The following ERBB4 variants were observed in gnomAD, a reference collection of about 807,000 sequenced individuals.
ERBB4 encodes erb-b2 receptor tyrosine kinase 4.
Under a neutral mutation model 158.0 loss-of-function variants are expected in ERBB4, and 42 were observed. That is an observed-to-expected ratio of 0.27 (90% CI 0.21 to 0.34). The LOEUF (loss-of-function observed/expected upper bound fraction) is 0.34. ERBB4 is among the 10% of genes least tolerant of loss of function. ERBB4 has a pLI of 1.00. For synonymous variants in ERBB4, 583 were observed against 558.7 expected (o/e 1.04, Z -0.61); for missense variants, 1,333 against 1,624.1 (o/e 0.82, Z 3.08).
chr2:211,407,277 G>A (rs927464453), intron 25 of ERBB4, among the ~76,000 whole-genome samples: 8 of 151,840 alleles, frequency 5.3e-5, no homozygotes, highest in East Asian at 1.9e-4. Context: ...TAGTCATTTC[G>A]ACCCAAGAAT....
chr2:211,911,186 T>C (rs745607053), intron 3 of ERBB4, among the ~76,000 whole-genome samples: 20 of 152,230 alleles, frequency 1.3e-4, no homozygotes, highest in Non-Finnish European at 2.8e-4. Context: ...AAGTATTAAT[T>C]TGAAGAGCCC....
chr2:211,419,531 G>A (rs1001716192), intron 25 of ERBB4, among the ~76,000 whole-genome samples: 1 of 151,996 alleles, frequency 6.6e-6, no homozygotes, highest in East Asian at 1.9e-4. Flanking sequence ...TAAGCATCAT[G>A]TTTATATCTT....
chr2:211,747,324 C>T (rs533375911), intron 5 of ERBB4, among the ~76,000 whole-genome samples: 1 of 152,114 alleles, frequency 6.6e-6, no homozygotes, highest in Non-Finnish European at 1.5e-5. Context: ...CTCTACTTTA[C>T]CAGTGCCAGA....
chr2:211,413,861 G>A (rs991004512), intron 25 of ERBB4, among the ~76,000 whole-genome samples: 9 of 151,752 alleles, frequency 5.9e-5, no homozygotes, highest in African/African-American at 1.9e-4. Flanking sequence ...AAGAGAGGGG[G>A]TCCTGCAAGC....
intron 1 of ERBB4, among the ~76,000 whole-genome samples, chr2:212,426,008 C>A (rs2091904144): frequency 6.6e-6 from 1 of 151,948 alleles, no homozygotes; most frequent in Non-Finnish European, 1.5e-5. Flanking sequence ...CGTATTCAAT[C>A]ATTTATCTTC....
At chr2:211,856,034 G>A (rs1244611144) in intron 3 of ERBB4, among the ~76,000 whole-genome samples, 1 of 151,998 alleles carries the variant, frequency 6.6e-6, no homozygotes, top group Non-Finnish European at 1.5e-5. Context: ...TTGGGTGACG[G>A]GTACACTAAA....
At position 211,431,150 on chromosome 2, in the gene ERBB4, C is replaced by T. The variant is rs6710946; in HGVS notation, c.2488-50G>A. The T allele has an allele frequency of 0.72, 1,132,181 of 1,567,396 alleles. 411,764 individuals carry two copies. The highest frequency in any genetic ancestry group is 0.93 in the African/African-American group (68,723 of 74,036). On this transcript the variant is annotated intron_variant, in intron 20 of 27. Transcript: ENST00000342788. ...GATATTCAGTTAATGCCCAGGTTTT[C>T]CCATTTTTCTAAAACAAAGTTTCTT...
At chr2:211,888,420 T>C (rs1373793664) in intron 3 of ERBB4, among the ~76,000 whole-genome samples, 2 of 152,248 alleles carry the variant, frequency 1.3e-5, no homozygotes, top group Non-Finnish European at 2.9e-5. Flanking sequence ...TGTATGTGTG[T>C]ACACACACAT....
intron 19 of ERBB4, among the ~76,000 whole-genome samples, chr2:211,614,768 A>G (rs1432853547): frequency 1.3e-5 from 2 of 152,110 alleles, no homozygotes; most frequent in African/African-American, 2.4e-5. Context: ...AATATCAATT[A>G]GATTTAAAAT....
At chr2:211,551,108 T>C (rs542538879) in intron 20 of ERBB4, among the ~76,000 whole-genome samples, 3 of 152,318 alleles carry the variant, frequency 2.0e-5, no homozygotes, top group South Asian at 4.1e-4. Context: ...CTCCATGAAA[T>C]AATCAATGAC....
intron 3 of ERBB4, among the ~76,000 whole-genome samples, chr2:211,810,519 C>T (rs6435673): frequency 0.72 from 108,945 of 151,972 alleles, 39,417 homozygotes; most frequent in Non-Finnish European, 0.76. Context: ...CAACCCCGGC[C>T]GTTTTTTTGC....
chr2:211,413,634 T>C (rs187334920), intron 25 of ERBB4, among the ~76,000 whole-genome samples: 1 of 152,204 alleles, frequency 6.6e-6, no homozygotes, highest in African/African-American at 2.4e-5. Flanking sequence ...ATCATTTAGC[T>C]ATGAGATACT....
intron 1 of ERBB4, among the ~76,000 whole-genome samples, chr2:212,159,876 A>G (rs115191052): frequency 0.017 from 2,593 of 152,144 alleles, 28 homozygotes; most frequent in Non-Finnish European, 0.025. Context: ...TGGCTAATAT[A>G]CTTTTCTTAA....
intron 4 of ERBB4, chr2:211,777,488 T>A (rs1221129127): frequency 6.6e-6 from 1 of 152,204 alleles, no homozygotes; most frequent in East Asian, 1.9e-4. Context: ...AACCTGAGTA[T>A]AAGCATCACA....
chr2:211,763,761 T>TTAGGTA (rs1286201514), intron 4 of ERBB4, among the ~76,000 whole-genome samples: 1 of 151,498 alleles, frequency 6.6e-6, no homozygotes, highest in African/African-American at 2.4e-5. Context: ...TTGGAAAAGA[T>TTAGGTA]TAGGTAGCTC....
At chr2:212,337,617 G>T (rs1038815939) in intron 1 of ERBB4, among the ~76,000 whole-genome samples, 5 of 152,060 alleles carry the variant, frequency 3.3e-5, no homozygotes, top group Non-Finnish European at 5.9e-5. Context: ...CATTCTGTAT[G>T]TCTGGAGTAA....
chr2:211,621,220 T>C (rs1298544470), intron 18 of ERBB4, among the ~76,000 whole-genome samples: 1 of 152,024 alleles, frequency 6.6e-6, no homozygotes, highest in Non-Finnish European at 1.5e-5. Flanking sequence ...TTTTTTTTCA[T>C]TATTTCATTC....
At position 211,570,621 on chromosome 2, in the gene ERBB4, C is replaced by T. The variant is rs573953100; in HGVS notation, c.2302-8533G>A. Among the ~76,000 whole-genome samples, 4 of 152,122 alleles carry T rather than the reference C, an allele frequency of 2.6e-5. No homozygotes were observed. The South Asian group carries it at 8.3e-4, about 32-fold the overall frequency. ...TACTCTGTTTCACTGAATCATTTTA[C>T]CATGATTTATCTCTAGTACAACTTC... On this transcript the variant is annotated intron_variant, in intron 19 of 27. Coordinates refer to ENST00000342788, the MANE Select transcript of ERBB4 (RefSeq NM_005235.3).
chr2:212,420,594 A>G (rs1276215966), intron 1 of ERBB4, among the ~76,000 whole-genome samples: 2 of 152,108 alleles, frequency 1.3e-5, no homozygotes, highest in African/African-American at 2.4e-5. Context: ...GTCTTTTCAG[A>G]AAAGGTTTTT....
Sources: gnomAD v4.1 joint callset for allele counts (sites outside exome capture counted in the v4.1 genomes callset) on GRCh38, gnomAD v4.1.1 for gene constraint, MANE v1.5 for transcripts, NCBI Gene and HGNC (gene_info 2026-07-23, HGNC 2026-07-21) for gene names.